KCNG4: variants seen among roughly 807,000 people sequenced by gnomAD.
KCNG4 encodes the protein voltage-gated potassium channel regulatory subunit KCNG4.
A neutral mutation model predicts 28.2 loss-of-function variants in KCNG4; 30 were observed. The ratio of observed to expected loss-of-function variants is 1.06; its 90% CI spans 0.80 to 1.44. The LOEUF (loss-of-function observed/expected upper bound fraction) is 1.44. Among genes scored for constraint, KCNG4 ranks in the 40% most tolerant of loss-of-function variants. The pLI is 0.00. For missense variants in KCNG4, 879 were observed against 712.3 expected (o/e 1.23, Z -2.66); for synonymous variants, 375 against 315.5 (o/e 1.19, Z -2.00).
chr16:84,238,007 C>T (rs751090102), intron 1 of KCNG4, among the ~76,000 whole-genome samples: 2 of 152,194 alleles, frequency 1.3e-5, no homozygotes, highest in Non-Finnish European at 2.9e-5. Context: ...TACAGACTGC[C>T]AGCACAGGTG....
chr16:84,225,570 C>G (rs1253709786), intron 2 of KCNG4, among the ~76,000 whole-genome samples: 2 of 152,232 alleles, frequency 1.3e-5, no homozygotes, highest in African/African-American at 4.8e-5. Flanking sequence ...ATTCTGCCTA[C>G]AAGGCCTCTC....
At chr16:84,224,708 A>G (rs1904658159) in intron 2 of KCNG4, among the ~76,000 whole-genome samples, 2 of 152,170 alleles carry the variant, frequency 1.3e-5, no homozygotes, top group African/African-American at 4.8e-5. Flanking sequence ...GGACTATTGC[A>G]GGGGTGGGAG....
At chr16:84,232,702 C>A (rs1904854624) in intron 2 of KCNG4, among the ~76,000 whole-genome samples, 1 of 151,956 alleles carries the variant, frequency 6.6e-6, no homozygotes, top group Non-Finnish European at 1.5e-5. Context: ...GAGTTCGAGA[C>A]CAGCCTGGCC....
intron 1 of KCNG4, among the ~76,000 whole-genome samples, chr16:84,239,172 T>G (rs4782907): frequency 0.08 from 12,174 of 152,178 alleles, 684 homozygotes; most frequent in South Asian, 0.12. Flanking sequence ...CCGGTTGGAT[T>G]CCGGTGGATA....
rs1487899183 is a variant in KCNG4 at position 84,221,968 on chromosome 16, T to C, written c.*249A>G. The C allele has an allele frequency of 3.8e-6, 2 of 528,364 alleles. No homozygotes were observed. Among genetic ancestry groups the C allele is most frequent in the African/African-American group, 3.8e-5 (2 of 52,032 alleles). The allele number at this position is 528,364 out of a possible 1,614,324, so 32.7% of individuals were successfully genotyped here. A position where few individuals can be genotyped will look rare whatever the true frequency, so the allele number is the denominator to read the frequency against. ...GGAGACTGAGCTACTCCAGCAAGAT[T>C]GGACATGCTCAGTAGATGGGCAGAG... On this transcript the variant is annotated 3_prime_UTR_variant, in exon 3 of 3. Coordinates refer to ENST00000308251, the MANE Select transcript of KCNG4 (RefSeq NM_172347.3).
chr16:84,228,114 C>T (rs79658379), intron 2 of KCNG4, among the ~76,000 whole-genome samples: 4,151 of 152,314 alleles, frequency 0.027, 190 homozygotes, highest in African/African-American at 0.095. Context: ...TTTCACGCAG[C>T]AGCAGAGCGG....
intron 2 of KCNG4, among the ~76,000 whole-genome samples, chr16:84,234,268 G>C (rs1421633172): frequency 6.6e-6 from 1 of 152,152 alleles, no homozygotes; most frequent in Non-Finnish European, 1.5e-5. Flanking sequence ...CCACCTCCGG[G>C]TTCAAGCGAT....
Position 84,222,080 on chromosome 16 carries a change from G to T in KCNG4, c.*137C>A. The T allele has an allele frequency of 1.1e-6, 1 of 943,808 alleles. No individual in the cohort carries two copies. Among genetic ancestry groups the T allele is most frequent in the Non-Finnish European group, 1.6e-6 (1 of 612,032 alleles). 58.5% of individuals were successfully genotyped at this position (943,808 alleles called of 1,614,324 possible). ...GGATCACAGACACACAGCCTCTGTGGCCTTATGCCCCTCCAGCTTTGAAAG... is the reference window on the plus strand; with the variant it reads ...GGATCACAGACACACAGCCTCTGTGTCCTTATGCCCCTCCAGCTTTGAAAG... On this transcript the variant is annotated 3_prime_UTR_variant, in exon 3 of 3. Coordinates refer to ENST00000308251, the MANE Select transcript of KCNG4 (RefSeq NM_172347.3).
chr16:84,235,081 T>A (rs973331108), intron 2 of KCNG4, among the ~76,000 whole-genome samples: 1 of 152,184 alleles, frequency 6.6e-6, no homozygotes. Context: ...GGCTGAAACT[T>A]TGGCTGCGCA....
At chr16:84,223,952 T>C (rs535556613) in intron 2 of KCNG4, among the ~76,000 whole-genome samples, 58 of 152,156 alleles carry the variant, frequency 3.8e-4, no homozygotes, top group Admixed American at 4.6e-4. Context: ...ACATGCGGGA[T>C]TCTAGCTCAG....
At position 84,222,516 on chromosome 16, in the gene KCNG4, A is replaced by G. The variant is rs1904592174; in HGVS notation, c.1261T>C (p.Tyr421His). The stretch of plus-strand genomic sequence containing the variant: ...ACACTGCGGGGCACCATGTCCCCGT[A>G]GCCCACCGTTGTCATGGAGATGATG... Reference protein sequence around the residue: ...WAIISMTTVGYGDMVPRSVPG... With the variant: ...WAIISMTTVGHGDMVPRSVPG... The change falls in exon 3 of 3, where the codon TAC (tyrosine) becomes CAC (histidine). Residue 421 changes from tyrosine to histidine, a missense_variant. By Grantham distance (83) the Tyr-to-His change is moderately conservative. Transcript: ENST00000308251. 1 of 1,613,490 alleles carries G rather than the reference A, an allele frequency of 6.2e-7. No homozygotes were observed. The highest frequency in any genetic ancestry group is 8.5e-7 in the Non-Finnish European group (1 of 1,179,796).
At chr16:84,223,463 C>A (rs986820899) in intron 2 of KCNG4, among the ~76,000 whole-genome samples, 1 of 152,300 alleles carries the variant, frequency 6.6e-6, no homozygotes, top group South Asian at 2.1e-4. Context: ...CATCCCTCAC[C>A]TTGGGACTAT....
chr16:84,234,265 C>T (rs1004512326), intron 2 of KCNG4, among the ~76,000 whole-genome samples: 7 of 152,294 alleles, frequency 4.6e-5, no homozygotes, highest in East Asian at 3.9e-4. Context: ...CCTCCACCTC[C>T]GGGTTCAAGC....
Position 84,239,491 on chromosome 16 carries a change from A to G in KCNG4, c.-41+179T>C, listed in dbSNP as rs115038374. Among the ~76,000 whole-genome samples the G allele has an allele frequency of 3.6e-3, 555 of 152,346 alleles. 5 individuals are homozygous for G. Among genetic ancestry groups the G allele is most frequent in the African/African-American group, 0.013 (532 of 41,580 alleles). ...ACTGCCCTTTCTGCATTCACTGAAT[A>G]AACCCAATTTTGCCATCTACGGCTC... On this transcript the variant is annotated intron_variant, in intron 1 of 2. Transcript: ENST00000308251.
At chr16:84,224,756 T>C (rs529741818) in intron 2 of KCNG4, among the ~76,000 whole-genome samples, 21 of 152,266 alleles carry the variant, frequency 1.4e-4, no homozygotes, top group African/African-American at 5.1e-4. Context: ...GTCCAGAGTG[T>C]TCCAGCCTCT....
At position 84,222,383 on chromosome 16, in the gene KCNG4, T is replaced by C. The variant is rs778374616; in HGVS notation, c.1394A>G (p.Lys465Arg). 10 of 1,614,184 alleles carry C rather than the reference T, an allele frequency of 6.2e-6. No homozygotes were observed. Among genetic ancestry groups the C allele is most frequent in the Non-Finnish European group, 6.8e-6 (8 of 1,180,010 alleles). ...GGCCTGAAGCTGCTCCTGCTCCTTC[T>C]TGAGCTCCAGGTAGGAGTGGGAGAA... is the stretch of plus-strand genomic sequence containing the variant. ...HTFSHSYLELKKEQEQLQARL... is the reference protein window; with the variant it reads ...HTFSHSYLELRKEQEQLQARL... Residue 465 changes from lysine (K) to arginine (R), a missense_variant, in exon 3 of 3, where the codon AAG (lysine) becomes AGG (arginine). Lys to Arg is a conservative substitution (Grantham distance 26). Transcript: ENST00000308251.
chr16:84,232,402 T>A (rs930001676), intron 2 of KCNG4, among the ~76,000 whole-genome samples: 1 of 152,046 alleles, frequency 6.6e-6, no homozygotes, highest in Non-Finnish European at 1.5e-5. Flanking sequence ...AGAAAGCAGA[T>A]GGGTGATTGC....
chr16:84,232,345 C>T (rs970288827), intron 2 of KCNG4, among the ~76,000 whole-genome samples: 2 of 152,090 alleles, frequency 1.3e-5, no homozygotes, highest in African/African-American at 2.4e-5. Flanking sequence ...ACACCTGGCA[C>T]GATTCTGTTT....
In KCNG4 at chr16:84,236,993, G is replaced by A. The variant is rs1192941396; in HGVS notation, c.493C>T (p.Leu165=). ...TCCAGCTCCTCCAGCTTCCTCAGCA[G>A]CTTCCGCAGGCAGCACCTCTCCAGG... ...AHLERCCLRK[L]LRKLEELEEL... The change falls in exon 2 of 3, where the codon CTG becomes TTG. Residue 165 remains leucine, a synonymous_variant. Transcript: ENST00000308251. The A allele has an allele frequency of 6.2e-7, 1 of 1,613,092 alleles. No homozygotes were observed. The highest frequency in any genetic ancestry group is 1.1e-5 in the South Asian group (1 of 91,062).
Sources: allele counts gnomAD v4.1 joint callset (sites outside exome capture counted in the v4.1 genomes callset), GRCh38; gene constraint gnomAD v4.1.1; transcripts MANE v1.5; gene names NCBI Gene and HGNC (gene_info 2026-07-23, HGNC 2026-07-21).